Variants in PLD1 observed in about 807,000 individuals in gnomAD.
The protein encoded by PLD1 is phospholipase D1.
Under a neutral mutation model 137.1 loss-of-function variants are expected in PLD1, and 112 were observed. That is an observed-to-expected ratio of 0.82 (90% CI 0.70 to 0.96). The LOEUF is 0.96. Ranked by LOEUF, PLD1 falls within the 40% of genes least tolerant of loss-of-function variation. The pLI is 0.00. For synonymous variants in PLD1, 431 were observed against 454.7 expected (o/e 0.95, Z 0.66); for missense variants, 1,321 against 1,342.0 (o/e 0.98, Z 0.24).
intron 19 of PLD1, among the ~76,000 whole-genome samples, chr3:171,665,318 G>C (rs1364958645): frequency 6.6e-6 from 1 of 152,158 alleles, no homozygotes; most frequent in Non-Finnish European, 1.5e-5. Context: ...TCACATATTT[G>C]CCATTTTTTC....
intron 12 of PLD1, among the ~76,000 whole-genome samples, chr3:171,697,176 T>G (rs971652984): frequency 1.3e-5 from 2 of 151,994 alleles, no homozygotes; most frequent in Non-Finnish European, 2.9e-5. Flanking sequence ...TGATCTAAAC[T>G]TTAGCTTTCT....
At chr3:171,791,542 A>G (rs1457391963) in intron 1 of PLD1, among the ~76,000 whole-genome samples, 1 of 152,164 alleles carries the variant, frequency 6.6e-6, no homozygotes, top group East Asian at 1.9e-4. Flanking sequence ...GTAGGGAAAA[A>G]AATATCAGGC....
At chr3:171,774,713 G>C (rs938849616) in intron 1 of PLD1, among the ~76,000 whole-genome samples, 1 of 152,174 alleles carries the variant, frequency 6.6e-6, no homozygotes, top group Non-Finnish European at 1.5e-5. Context: ...AGCAGCATGC[G>C]CACTGGCTCC....
At position 171,653,507 on chromosome 3, in the gene PLD1, G is replaced by A. The variant is rs1306362123; in HGVS notation, c.2429+5706C>T. Reference sequence around the variant, plus strand: ...AACCTCTAGACAGAGTGTTGTAATCGTGTGCCTAAACAAGTCACATGATGA... The same window carrying A: ...AACCTCTAGACAGAGTGTTGTAATCATGTGCCTAAACAAGTCACATGATGA... On this transcript the variant is annotated intron_variant, in intron 21 of 26. Transcript: ENST00000351298. 2.6e-5 allele frequency: 4 copies of A among 152,178 alleles called. No individual in the cohort carries two copies. In the East Asian group the frequency reaches 5.8e-4, roughly 22 times the overall value. 9.4% of individuals were successfully genotyped at this position (152,178 alleles called of 1,614,324 possible).
chr3:171,727,942 G>A (rs1278608295), intron 6 of PLD1, among the ~76,000 whole-genome samples: 1 of 152,028 alleles, frequency 6.6e-6, no homozygotes, highest in East Asian at 1.9e-4. Context: ...AAATTCAAAA[G>A]GACTTAAATA....
chr3:171,799,350 AAAAAAAAAAAAAGAGG>A (rs1485854993), intron 1 of PLD1, among the ~76,000 whole-genome samples: 6 of 151,128 alleles, frequency 4.0e-5, no homozygotes, highest in Non-Finnish European at 7.4e-5. Flanking sequence ...AAAAAAAAAA[AAAAAAAAAAAAAGAGG>A]AAAAAAAAAA....
At chr3:171,641,710 T>G (rs375746678) in intron 23 of PLD1, among the ~76,000 whole-genome samples, 17 of 152,220 alleles carry the variant, frequency 1.1e-4, no homozygotes, top group African/African-American at 4.1e-4. Flanking sequence ...CCACATCCCC[T>G]CAAGTCATCC....
chr3:171,797,106 TG>T (rs1723465574), intron 1 of PLD1, among the ~76,000 whole-genome samples: 1 of 152,118 alleles, frequency 6.6e-6, no homozygotes. Flanking sequence ...ACTCTCCACC[TG>T]TGCTAGGCTA....
At chr3:171,757,382 G>C (rs996983083) in intron 1 of PLD1, among the ~76,000 whole-genome samples, 1 of 152,180 alleles carries the variant, frequency 6.6e-6, no homozygotes, top group African/African-American at 2.4e-5. Context: ...TTCTGGGTCA[G>C]TGATCATTTC....
rs200734423 is a variant in PLD1, at chr3:171,734,965, G to A, written c.440C>T (p.Thr147Met). The A allele has an allele frequency of 1.3e-4, 216 of 1,600,460 alleles. No individual in the cohort carries two copies. The highest frequency in any genetic ancestry group is 3.3e-4 in the East Asian group (15 of 44,790). ...IRIPIPTRRH[T>M]FRRQNVREEP... is the part of the protein sequence containing the mutation. ...CTCTCTGACGTTTTGCCTCCTAAAC[G>A]TGTGTCTAAAACACAAACACACAGA... The change falls in exon 5 of 27, where the codon ACG becomes ATG. Residue 147 changes from threonine (T) to methionine (M), a missense_variant. Transcript: ENST00000351298.
chr3:171,806,071 A>T (rs76299811), intron 1 of PLD1, among the ~76,000 whole-genome samples: 4,869 of 152,346 alleles, frequency 0.032, 111 homozygotes, highest in Non-Finnish European at 0.053. Context: ...TAATAAGATT[A>T]CCTACTTTAC....
At position 171,708,662 on chromosome 3, in the gene PLD1, T is replaced by C. The variant is rs923060186; in HGVS notation, c.1145+93A>G. On this transcript the variant is annotated intron_variant, in intron 11 of 26. Transcript: ENST00000351298. ...AAACCATCCACAGATACAGCTGATT[T>C]TCATAATGTGTAATTCTTGAACAGC... is the stretch of plus-strand genomic sequence containing the variant. The C allele has an allele frequency of 6.2e-5, 44 of 713,088 alleles. No individual in the cohort carries two copies. In the African/African-American group the frequency reaches 7.6e-4, roughly 12 times the overall value. 44.2% of individuals were successfully genotyped at this position (713,088 alleles called of 1,614,324 possible).
chr3:171,710,085 T>C (rs773224924), intron 9 of PLD1, among the ~76,000 whole-genome samples: 3 of 152,080 alleles, frequency 2.0e-5, no homozygotes, highest in East Asian at 1.9e-4. Context: ...TTTTTTGAGA[T>C]GGAGTCTCGC....
chr3:171,674,654 A>C (rs1713147792), intron 18 of PLD1, 41 bp from the exon 19 acceptor site: 4 of 1,135,002 alleles, frequency 3.5e-6, no homozygotes, highest in Non-Finnish European at 5.3e-6. Context: ...AATGAGAAAA[A>C]AGATTCATTC....
At chr3:171,794,472 C>T (rs1345093680) in intron 1 of PLD1, among the ~76,000 whole-genome samples, 1 of 152,078 alleles carries the variant, frequency 6.6e-6, no homozygotes, top group Non-Finnish European at 1.5e-5. Context: ...GTGCTTCTAC[C>T]GTGCATCTTT....
chr3:171,737,291 G>A (rs749217504), intron 3 of PLD1, among the ~76,000 whole-genome samples: 1 of 152,322 alleles, frequency 6.6e-6, no homozygotes. Flanking sequence ...TGCCTTACAT[G>A]CCTTTTTAAA....
chr3:171,620,582 A>T, intron 23 of PLD1, 62 bp from the exon 24 acceptor site: 1 of 979,942 alleles, frequency 1.0e-6, no homozygotes, highest in Non-Finnish European at 1.6e-6. Flanking sequence ...CGTACATTAA[A>T]TCTTATTGTT....
chr3:171,642,028 A>G (rs1291457531), intron 23 of PLD1, among the ~76,000 whole-genome samples: 1 of 152,198 alleles, frequency 6.6e-6, no homozygotes, highest in African/African-American at 2.4e-5. Context: ...TAGAGCAAAG[A>G]TATAGAGCAC....
rs746135533 is a variant in PLD1, at chr3:171,692,323, C to A, written c.1338+9G>T. ...AAGAAACATTGGTTATCAAGATGAA[C>A]CTGAATACCTTTATGTTGGGATGTA... On this transcript the variant is annotated intron_variant, in intron 13 of 26. Transcript: ENST00000351298. 8.0e-7 allele frequency: 1 copy of A among 1,245,054 alleles called. No individual in the cohort carries two copies. Among genetic ancestry groups the A allele is most frequent in the African/African-American group, 1.5e-5 (1 of 67,574 alleles). The allele number at this position is 1,245,054 out of a possible 1,614,324, so 77.1% of individuals were successfully genotyped here.
Sources: allele counts gnomAD v4.1 joint callset (sites outside exome capture counted in the v4.1 genomes callset), GRCh38; gene constraint gnomAD v4.1.1; transcripts MANE v1.5; gene names NCBI Gene and HGNC (gene_info 2026-07-23, HGNC 2026-07-21).